TNNI3K: variants seen among roughly 807,000 people sequenced by gnomAD.
TNNI3K encodes TNNI3 interacting kinase, also known as serine/threonine-protein kinase TNNI3K.
Under a neutral mutation model 114.5 loss-of-function variants are expected in TNNI3K, and 140 were observed. That is an observed-to-expected ratio of 1.22 (90% CI 1.07 to 1.41). The LOEUF (loss-of-function observed/expected upper bound fraction) is 1.41. Ranked by LOEUF, TNNI3K falls within the 40% of genes most tolerant of loss-of-function variation. TNNI3K has a pLI of 0.00. For missense variants in TNNI3K, 1,125 were observed against 1,007.6 expected, an observed-to-expected ratio of 1.12 and a Z score of -1.58; for synonymous variants, 347 against 347.5, an observed-to-expected ratio of 1.00 and a Z score of 0.02.
chr1:74,464,653 C>A, intron 21 of TNNI3K: 2 of 1,593,012 alleles, frequency 1.3e-6, no homozygotes, highest in East Asian at 2.2e-5. Flanking sequence ...CAGACCAAGT[C>A]ATTACCCAGT....
At chr1:74,261,017 A>G (rs1655629731) in intron 4 of TNNI3K, among the ~76,000 whole-genome samples, 1 of 152,132 alleles carries the variant, frequency 6.6e-6, no homozygotes, top group African/African-American at 2.4e-5. Context: ...CAAGTTTATT[A>G]CAAATATGAT....
chr1:74,525,700 T>C (rs1359661082), intron 23 of TNNI3K, among the ~76,000 whole-genome samples: 3 of 152,126 alleles, frequency 2.0e-5, no homozygotes, highest in Admixed American at 2.0e-4. Context: ...AATATGACCA[T>C]GGAGGCCTGG....
At chr1:74,431,154 C>T (rs188563465) in intron 17 of TNNI3K, among the ~76,000 whole-genome samples, 1 of 152,160 alleles carries the variant, frequency 6.6e-6, no homozygotes, top group East Asian at 1.9e-4. Context: ...CTTCATTCCT[C>T]TTACAATTTT....
intron 2 of TNNI3K, among the ~76,000 whole-genome samples, chr1:74,241,730 TG>T (rs568602369): frequency 1.4e-3 from 209 of 152,328 alleles, no homozygotes; most frequent in African/African-American, 4.7e-3. Context: ...GTAGGTTGCC[TG>T]TTCACTCTGA....
intron 17 of TNNI3K, among the ~76,000 whole-genome samples, chr1:74,424,650 C>A (rs746073558): frequency 1.4e-5 from 2 of 143,306 alleles, no homozygotes; most frequent in African/African-American, 5.1e-5. Flanking sequence ...ACCCAGGAGG[C>A]GGAGGCTGCA....
At chr1:74,513,453 C>T (rs943644770) in intron 23 of TNNI3K, among the ~76,000 whole-genome samples, 1 of 152,204 alleles carries the variant, frequency 6.6e-6, no homozygotes, top group Non-Finnish European at 1.5e-5. Context: ...GAAGGCACAT[C>T]CCACTTCAGA....
At chr1:74,243,460 A>G (rs1654371503) in intron 2 of TNNI3K, among the ~76,000 whole-genome samples, 1 of 152,134 alleles carries the variant, frequency 6.6e-6, no homozygotes, top group Admixed American at 6.5e-5. Flanking sequence ...TTCTTTCTAC[A>G]TTCTTGGCTT....
At chr1:74,374,541 T>C (rs1417378736) in intron 17 of TNNI3K, 1 of 151,914 alleles carries the variant, frequency 6.6e-6, no homozygotes, top group Admixed American at 6.6e-5. Context: ...CAGCAATATT[T>C]ATCAGCCTTA....
rs200469447 is a variant in TNNI3K at position 74,235,486 on chromosome 1, G to C, written c.35G>C (p.Cys12Ser). ...GNYKSRPTQT[C>S]TDEWKKKVSE... is the part of the protein sequence containing the mutation. ...TATAAATCTAGACCAACCCAAACTTGTACTGGTAATTATTCTAATTATTCT... is the reference window on the plus strand; with the variant it reads ...TATAAATCTAGACCAACCCAAACTTCTACTGGTAATTATTCTAATTATTCT... The change falls in exon 1 of 25, where the codon TGT becomes TCT. Residue 12 changes from cysteine to serine, a missense_variant. Physicochemically the swap from Cys to Ser is moderately radical, Grantham distance 112. Coordinates refer to ENST00000326637, the MANE Select transcript of TNNI3K (RefSeq NM_015978.3). 6.9e-7 allele frequency: 1 copy of C among 1,455,164 alleles called. No homozygotes were observed. The highest frequency in any genetic ancestry group is 9.5e-7 in the Non-Finnish European group (1 of 1,055,006). The allele number at this position is 1,455,164 out of a possible 1,614,324, so 90.1% of individuals were successfully genotyped here.
intron 11 of TNNI3K, among the ~76,000 whole-genome samples, chr1:74,357,542 T>C (rs1384080127): frequency 1.3e-5 from 2 of 152,174 alleles, no homozygotes; most frequent in Non-Finnish European, 2.9e-5. Flanking sequence ...ATATTCTCTT[T>C]TGGAATGCTT....
chr1:74,365,827 T>A (rs1363428436), intron 11 of TNNI3K, among the ~76,000 whole-genome samples: 1 of 151,970 alleles, frequency 6.6e-6, no homozygotes, highest in African/African-American at 2.4e-5. Flanking sequence ...TTCCTATGAT[T>A]TGAGAAAATT....
intron 23 of TNNI3K, among the ~76,000 whole-genome samples, chr1:74,509,747 C>CT (rs68193106): frequency 3.8e-4 from 18 of 47,810 alleles, no homozygotes; most frequent in Non-Finnish European, 4.6e-4. Flanking sequence ...ATCTGAATTT[C>CT]TTTTTTTTTT....
chr1:74,297,444 T>G (rs1313445102), intron 5 of TNNI3K, among the ~76,000 whole-genome samples: 1 of 151,994 alleles, frequency 6.6e-6, no homozygotes, highest in Non-Finnish European at 1.5e-5. Context: ...CTTCTCTCTC[T>G]TGGCCATGTG....
chr1:74,460,646 C>T (rs574895198), intron 20 of TNNI3K, among the ~76,000 whole-genome samples: 2 of 152,274 alleles, frequency 1.3e-5, no homozygotes, highest in Admixed American at 1.3e-4. Context: ...GAAAATTTCC[C>T]AGATGTTAGT....
chr1:74,400,568 A>G (rs1192211983), intron 17 of TNNI3K, among the ~76,000 whole-genome samples: 2 of 152,194 alleles, frequency 1.3e-5, no homozygotes, highest in South Asian at 2.1e-4. Flanking sequence ...ACAGGGATGC[A>G]TGGGGAAATG....
chr1:74,365,305 C>G (rs754695631), intron 11 of TNNI3K, among the ~76,000 whole-genome samples: 1 of 152,120 alleles, frequency 6.6e-6, no homozygotes, highest in Admixed American at 6.6e-5. Context: ...CTACCCTACA[C>G]GAAAATCTCA....
intron 17 of TNNI3K, among the ~76,000 whole-genome samples, chr1:74,417,322 C>T (rs564813459): frequency 6.6e-6 from 1 of 152,192 alleles, no homozygotes; most frequent in South Asian, 2.1e-4. Context: ...ACCCTTCATG[C>T]TGCTTCCCGT....
At chr1:74,535,860 C>CT (rs1450996173) in intron 23 of TNNI3K, among the ~76,000 whole-genome samples, 26 of 152,272 alleles carry the variant, frequency 1.7e-4, no homozygotes, top group Middle Eastern at 3.4e-3. Flanking sequence ...CCCCTTCTTA[C>CT]TTACAAAGCA....
chr1:74,385,371 T>C (rs1292630853), intron 17 of TNNI3K, among the ~76,000 whole-genome samples: 1 of 152,190 alleles, frequency 6.6e-6, no homozygotes, highest in Non-Finnish European at 1.5e-5. Flanking sequence ...TTTAAGTAGA[T>C]GTAGTTCTTC....
Sources: allele counts gnomAD v4.1 joint callset (sites outside exome capture counted in the v4.1 genomes callset), GRCh38; gene constraint gnomAD v4.1.1; transcripts MANE v1.5; gene names NCBI Gene and HGNC (gene_info 2026-07-23, HGNC 2026-07-21).